The following SEMA3A variants were observed in gnomAD, a reference collection of about 807,000 sequenced individuals.
SEMA3A encodes semaphorin 3A, also known as semaphorin-3A.
A neutral mutation model predicts 97.9 loss-of-function variants in SEMA3A; 29 were observed. The observed-to-expected ratio is 0.30, with a 90% CI of 0.22 to 0.40. The LOEUF is 0.40. Among genes scored for constraint, SEMA3A ranks in the 10% least tolerant of loss-of-function variants. The pLI is 1.00. For synonymous variants in SEMA3A, 321 were observed against 323.7 expected, an observed-to-expected ratio of 0.99 and a Z score of 0.09; for missense variants, 763 against 951.3, an observed-to-expected ratio of 0.80 and a Z score of 2.60.
intron 5 of SEMA3A, among the ~76,000 whole-genome samples, chr7:84,059,750 T>C (rs1033573587): frequency 2.0e-5 from 3 of 151,774 alleles, no homozygotes; most frequent in Non-Finnish European, 4.4e-5. Flanking sequence ...AGGTTGTTGG[T>C]ATGCTCAAAA....
chr7:84,433,598 T>C (rs543892722), intron 1 of SEMA3A, among the ~76,000 whole-genome samples: 2 of 152,266 alleles, frequency 1.3e-5, no homozygotes, highest in Admixed American at 1.3e-4. Flanking sequence ...TACCCAGTAA[T>C]GGTATTGCTG....
chr7:84,001,682 ATAATATAAAATG>A (rs1273490902), intron 12 of SEMA3A, among the ~76,000 whole-genome samples: 1 of 152,092 alleles, frequency 6.6e-6, no homozygotes. Flanking sequence ...GGTAACTTAA[ATAATATAAAATG>A]TAATATAAAA....
In SEMA3A at chr7:84,424,418, ATT is replaced by A. The variant is rs1804687927; in HGVS notation, c.-245-52520_-245-52519del. 3.8e-5 allele frequency among the ~76,000 whole-genome samples: 5 copies of A among 131,846 alleles called. No individual in the cohort carries two copies. The South Asian group carries it at 1.1e-3, about 29-fold the overall frequency. 86.5% of individuals were successfully genotyped at this position (131,846 alleles called of 152,430 possible). A position where few individuals can be genotyped will look rare whatever the true frequency, so the allele number is the denominator to read the frequency against. On this transcript the variant is annotated intron_variant, in intron 1 of 3. Coordinates refer to the SEMA3A transcript ENST00000424555. ...CAATATGAAATATAATATATAATAT[ATT>A]GTTATAAATATAAATACATAATATA...
chr7:84,272,176 T>C (rs1384327919), intron 3 of SEMA3A, among the ~76,000 whole-genome samples: 1 of 152,064 alleles, frequency 6.6e-6, no homozygotes, highest in African/African-American at 2.4e-5. Context: ...AGGGTCATTA[T>C]AATTAATTGC....
chr7:83,988,434 T>G (rs1196669460), intron 12 of SEMA3A, among the ~76,000 whole-genome samples: 1 of 151,966 alleles, frequency 6.6e-6, no homozygotes, highest in South Asian at 2.1e-4. Flanking sequence ...TCACCATGTG[T>G]TAGCCAGGAT....
At chr7:84,207,751 G>C (rs1246887722) in intron 3 of SEMA3A, among the ~76,000 whole-genome samples, 2 of 152,152 alleles carry the variant, frequency 1.3e-5, no homozygotes, top group Non-Finnish European at 2.9e-5. Flanking sequence ...ATAGGTGTAG[G>C]AAAAATGTGT....
intron 4 of SEMA3A, among the ~76,000 whole-genome samples, chr7:84,067,414 T>C (rs1332703831): frequency 6.6e-6 from 1 of 151,896 alleles, no homozygotes; most frequent in Non-Finnish European, 1.5e-5. Flanking sequence ...AAGCCAAAAT[T>C]GACAAATGGG....
intron 1 of SEMA3A, among the ~76,000 whole-genome samples, chr7:84,154,537 A>C (rs1305147438): frequency 2.0e-5 from 3 of 151,764 alleles, no homozygotes; most frequent in Non-Finnish European, 2.9e-5. Flanking sequence ...TTAGCCGGGC[A>C]TGGTGGTGGG....
At chr7:84,297,276 C>A (rs573132782) in intron 3 of SEMA3A, among the ~76,000 whole-genome samples, 2 of 152,088 alleles carry the variant, frequency 1.3e-5, no homozygotes, top group African/African-American at 4.8e-5. Flanking sequence ...CGTGCCCAGC[C>A]GAGTTTTTAA....
At chr7:84,173,531 C>T (rs960667060) in intron 1 of SEMA3A, among the ~76,000 whole-genome samples, 3 of 143,290 alleles carry the variant, frequency 2.1e-5, no homozygotes, top group African/African-American at 8.1e-5. Flanking sequence ...TGCACTCCAG[C>T]CTGGGCAGTA....
intron 1 of SEMA3A, among the ~76,000 whole-genome samples, chr7:84,401,784 G>A (rs751987245): frequency 6.6e-6 from 1 of 152,128 alleles, no homozygotes; most frequent in Non-Finnish European, 1.5e-5. Context: ...AATCAATGGT[G>A]CTAATAATAC....
intron 1 of SEMA3A, among the ~76,000 whole-genome samples, chr7:84,188,712 C>T (rs1038017366): frequency 6.6e-6 from 1 of 151,776 alleles, no homozygotes; most frequent in Non-Finnish European, 1.5e-5. Context: ...TTGTTTCATT[C>T]ACTATTTTGT....
chr7:84,045,843 T>C (rs189300872), intron 6 of SEMA3A, among the ~76,000 whole-genome samples: 2 of 152,072 alleles, frequency 1.3e-5, no homozygotes, highest in Admixed American at 1.3e-4. Context: ...AATGAAATCA[T>C]GATTTAAAAG....
At chr7:84,327,972 A>G (rs983747269) in intron 2 of SEMA3A, among the ~76,000 whole-genome samples, 1 of 152,048 alleles carries the variant, frequency 6.6e-6, no homozygotes, top group African/African-American at 2.4e-5. Context: ...TTAATCAAAC[A>G]GAAAGATAAT....
At chr7:84,154,137 A>AG (rs1796762089) in intron 1 of SEMA3A, among the ~76,000 whole-genome samples, 1 of 152,160 alleles carries the variant, frequency 6.6e-6, no homozygotes, top group Admixed American at 6.5e-5. Flanking sequence ...TGTATGAGAT[A>AG]GAACCATTTT....
At chr7:84,266,519 G>A (rs1216731096) in intron 3 of SEMA3A, among the ~76,000 whole-genome samples, 1 of 151,666 alleles carries the variant, frequency 6.6e-6, no homozygotes, top group Admixed American at 6.6e-5. Flanking sequence ...CAGATTTTGA[G>A]TTAACAAAAA....
chr7:84,027,528 T>TTTTG (rs1219985024), intron 6 of SEMA3A, among the ~76,000 whole-genome samples: 5 of 152,182 alleles, frequency 3.3e-5, no homozygotes, highest in African/African-American at 4.8e-5. Flanking sequence ...TCACTAAGTT[T>TTTTG]TTTGTTTGTT....
intron 4 of SEMA3A, among the ~76,000 whole-genome samples, chr7:84,075,338 TG>T (rs1443733145): frequency 2.1e-5 from 3 of 140,108 alleles, no homozygotes; most frequent in Non-Finnish European, 4.7e-5. Context: ...CATGCCAGGC[TG>T]ATTTTTTGTG....
At chr7:84,277,135 C>G (rs770049533) in intron 3 of SEMA3A, among the ~76,000 whole-genome samples, 1 of 152,020 alleles carries the variant, frequency 6.6e-6, no homozygotes, top group Non-Finnish European at 1.5e-5. Context: ...TTGTATGAGT[C>G]TTTGAAGATG....
Sources: gnomAD v4.1 joint callset for allele counts (sites outside exome capture counted in the v4.1 genomes callset) on GRCh38, gnomAD v4.1.1 for gene constraint, MANE v1.5 for transcripts, NCBI Gene and HGNC (gene_info 2026-07-23, HGNC 2026-07-21) for gene names.